Variants in AFG2A observed in about 807,000 individuals in gnomAD.
The protein encoded by AFG2A is AAA ATPase AFG2A.
chr4:123,139,948 A>AACAAAT, the AFG2A span, among the ~76,000 whole-genome samples: 1 of 152,012 alleles, frequency 6.6e-6, no homozygotes, highest in Non-Finnish European at 1.5e-5. Context: ...TCCAGGATAA[A>AACAAAT]ACAAATTGTT....
the AFG2A span, among the ~76,000 whole-genome samples, chr4:123,099,521 G>T: frequency 6.6e-6 from 1 of 151,080 alleles, no homozygotes; most frequent in South Asian, 2.1e-4. Flanking sequence ...TGAGTTGAAT[G>T]AGCCACAGAG....
the AFG2A span, among the ~76,000 whole-genome samples, chr4:122,980,757 A>G: frequency 1.3e-5 from 2 of 152,158 alleles, no homozygotes; most frequent in African/African-American, 4.8e-5. Context: ...GGTATTGAAC[A>G]TATTTTCATA....
the AFG2A span, among the ~76,000 whole-genome samples, chr4:123,132,539 A>G: frequency 2.0e-5 from 3 of 150,096 alleles, no homozygotes; most frequent in African/African-American, 4.9e-5. Flanking sequence ...TAGCCAAGCT[A>G]TGGAAACAAC....
the AFG2A span, among the ~76,000 whole-genome samples, chr4:123,099,519 A>T: frequency 1.3e-5 from 2 of 151,350 alleles, no homozygotes; most frequent in African/African-American, 4.8e-5. Context: ...TTTGAGTTGA[A>T]TGAGCCACAG....
chr4:123,297,218 A>G, the AFG2A span, among the ~76,000 whole-genome samples: 1 of 152,240 alleles, frequency 6.6e-6, no homozygotes, highest in Admixed American at 6.5e-5. Context: ...AGCATTTTCT[A>G]ACTTTGACCA....
chr4:123,062,793 C>A, the AFG2A span, among the ~76,000 whole-genome samples: 1 of 152,154 alleles, frequency 6.6e-6, no homozygotes, highest in African/African-American at 2.4e-5. Flanking sequence ...ATGTGATTGC[C>A]ATTGACCCAA....
chr4:123,250,508 G>A, the AFG2A span, among the ~76,000 whole-genome samples: 46 of 152,156 alleles, frequency 3.0e-4, no homozygotes, highest in Non-Finnish European at 6.0e-4. Flanking sequence ...GAGTTCAGGT[G>A]AACTCCCTGG....
the AFG2A span, chr4:122,935,641 T>G: frequency 6.8e-7 from 1 of 1,463,666 alleles, no homozygotes. Context: ...ATAACTCATG[T>G]TTGAACTTGT....
the AFG2A span, among the ~76,000 whole-genome samples, chr4:123,068,993 T>C: frequency 2.6e-5 from 4 of 152,238 alleles, no homozygotes; most frequent in Non-Finnish European, 5.9e-5. Flanking sequence ...AAAGAATTAC[T>C]GAAGTGCTAA....
chr4:123,143,186 A>T, the AFG2A span, among the ~76,000 whole-genome samples: 5 of 151,106 alleles, frequency 3.3e-5, no homozygotes, highest in East Asian at 9.6e-4. Flanking sequence ...TTTCCAGAAA[A>T]AAAAAAGAAA....
chr4:123,018,652 GA>G, the AFG2A span, among the ~76,000 whole-genome samples: 1 of 140,234 alleles, frequency 7.1e-6, no homozygotes, highest in East Asian at 2.1e-4. Flanking sequence ...TTTTTTTTTT[GA>G]GACAGAGTCT....
chr4:123,003,806 G>A, the AFG2A span, among the ~76,000 whole-genome samples: 2 of 152,148 alleles, frequency 1.3e-5, no homozygotes, highest in African/African-American at 2.4e-5. Flanking sequence ...ATCTCCAGCT[G>A]CGTGCTGGGA....
the AFG2A span, among the ~76,000 whole-genome samples, chr4:123,123,831 A>G: frequency 6.6e-6 from 1 of 151,036 alleles, no homozygotes; most frequent in Non-Finnish European, 1.5e-5. Context: ...GCGCGCCTGT[A>G]GTCCCAGCTA....
the AFG2A span, among the ~76,000 whole-genome samples, chr4:123,236,441 T>C: frequency 2.0e-5 from 3 of 152,254 alleles, no homozygotes; most frequent in African/African-American, 7.2e-5. Context: ...ATCTGCATTA[T>C]CTCTTTGCTG....
the AFG2A span, among the ~76,000 whole-genome samples, chr4:123,161,400 G>T: frequency 6.6e-6 from 1 of 152,126 alleles, no homozygotes; most frequent in Admixed American, 6.5e-5. Context: ...CATCCAGCAG[G>T]GGTGACTAAG....
chr4:123,026,094 C>CGTGTAT, the AFG2A span, among the ~76,000 whole-genome samples: 1 of 125,562 alleles, frequency 8.0e-6, no homozygotes, highest in African/African-American at 3.3e-5. Flanking sequence ...AATAAGACCT[C>CGTGTAT]GTGTATGTGT....
chr4:123,001,977 T>G, the AFG2A span, among the ~76,000 whole-genome samples: 1 of 152,212 alleles, frequency 6.6e-6, no homozygotes, highest in Non-Finnish European at 1.5e-5. Flanking sequence ...GCTTTATGAA[T>G]CTGGGTGCTC....
chr4:123,099,622 GAACTT>G, the AFG2A span, among the ~76,000 whole-genome samples: 10 of 151,300 alleles, frequency 6.6e-5, no homozygotes, highest in African/African-American at 2.4e-4. Context: ...ATATAATACT[GAACTT>G]AAATAATAGT....
chr4:123,048,112 G>T, the AFG2A span, among the ~76,000 whole-genome samples: 1 of 152,090 alleles, frequency 6.6e-6, no homozygotes, highest in Non-Finnish European at 1.5e-5. Flanking sequence ...ATTTATTAGA[G>T]ACTGTTCTTT....
Sources: allele counts gnomAD v4.1 joint callset (sites outside exome capture counted in the v4.1 genomes callset), GRCh38; gene constraint gnomAD v4.1.1; transcripts MANE v1.5; gene names NCBI Gene and HGNC (gene_info 2026-07-23, HGNC 2026-07-21).